Variants in CTNNAL1 observed in about 807,000 individuals in gnomAD.
CTNNAL1 encodes alpha-catulin.
In CTNNAL1, 69 loss-of-function variants were observed where a neutral mutation model predicts 93.6. That is an observed-to-expected ratio of 0.74 (90% CI 0.61 to 0.90). CTNNAL1 has a LOEUF of 0.90. Among genes scored for constraint, CTNNAL1 ranks in the 40% least tolerant of loss-of-function variants. The pLI, the probability that CTNNAL1 is intolerant of heterozygous loss-of-function variation, is 0.00. For missense variants in CTNNAL1, 836 were observed against 862.0 expected, an observed-to-expected ratio of 0.97 and a Z score of 0.38; for synonymous variants, 286 against 305.4, an observed-to-expected ratio of 0.94 and a Z score of 0.66.
At chr9:108,991,198 G>A (rs1220888258) in intron 3 of CTNNAL1, among the ~76,000 whole-genome samples, 1 of 152,224 alleles carries the variant, frequency 6.6e-6, no homozygotes, top group African/African-American at 2.4e-5. Flanking sequence ...AGAGAACTGG[G>A]AAGGGGTGAG....
At chr9:108,955,135 T>TTG (rs1830660530) in intron 12 of CTNNAL1, among the ~76,000 whole-genome samples, 1 of 151,980 alleles carries the variant, frequency 6.6e-6, no homozygotes, top group African/African-American at 2.4e-5. Flanking sequence ...GCTAATTTTT[T>TTG]TTGTTGTTGT....
chr9:108,943,193 C>T (rs1830296078), intron 17 of CTNNAL1, 149 bp from the exon 18 acceptor site: 6 of 724,114 alleles, frequency 8.3e-6, no homozygotes, highest in Admixed American at 6.2e-5. Flanking sequence ...TGAGCTGACT[C>T]AAAGCCCCAG....
At chr9:108,959,141 TGAG>T (rs1830760280) in intron 11 of CTNNAL1, among the ~76,000 whole-genome samples, 1 of 149,694 alleles carries the variant, frequency 6.7e-6, no homozygotes, top group African/African-American at 2.5e-5. Flanking sequence ...AGGCAGATTA[TGAG>T]GTCAGGAGAT....
chr9:108,966,456 C>T (rs1251816214), intron 10 of CTNNAL1, among the ~76,000 whole-genome samples: 9 of 152,174 alleles, frequency 5.9e-5, no homozygotes, highest in Non-Finnish European at 1.3e-4. Context: ...GAATGTGGGT[C>T]ACCACTTCCA....
At chr9:108,985,778 C>T (rs1261263418) in intron 4 of CTNNAL1, among the ~76,000 whole-genome samples, 4 of 152,150 alleles carry the variant, frequency 2.6e-5, no homozygotes, top group South Asian at 2.1e-4. Context: ...GTGGGTCTAG[C>T]TGACAATGCA....
chr9:108,975,902 C>T (rs1266904642), intron 8 of CTNNAL1, among the ~76,000 whole-genome samples: 2 of 152,164 alleles, frequency 1.3e-5, no homozygotes, highest in African/African-American at 4.8e-5. Flanking sequence ...ATAGGACTTT[C>T]AATAACCTGA....
intron 10 of CTNNAL1, among the ~76,000 whole-genome samples, chr9:108,968,624 A>G (rs773097538): frequency 5.3e-5 from 8 of 152,220 alleles, no homozygotes; most frequent in Non-Finnish European, 1.0e-4. Flanking sequence ...GTTGTAATAA[A>G]GTGTTCAGCA....
chr9:108,999,494 A>G (rs1451797656), intron 1 of CTNNAL1, among the ~76,000 whole-genome samples: 2 of 152,216 alleles, frequency 1.3e-5, no homozygotes, highest in Admixed American at 1.3e-4. Context: ...CATGCAGTTT[A>G]TCTGGGGCAT....
intron 8 of CTNNAL1, 133 bp from the exon 9 acceptor site, chr9:108,972,966 C>G (rs1186077542): frequency 8.9e-7 from 1 of 1,127,312 alleles, no homozygotes; most frequent in African/African-American, 1.6e-5. Flanking sequence ...TAAAGAGAAG[C>G]CGCAAAGCAG....
chr9:108,950,853 C>G, intron 14 of CTNNAL1: 1 of 362,868 alleles, frequency 2.8e-6, no homozygotes, highest in East Asian at 4.3e-5. Flanking sequence ...CTTTGTAATT[C>G]TAGGGATCAT....
intron 1 of CTNNAL1, among the ~76,000 whole-genome samples, chr9:109,006,056 T>C (rs1011492221): frequency 1.3e-5 from 2 of 152,234 alleles, no homozygotes; most frequent in African/African-American, 2.4e-5. Flanking sequence ...AAGTTATACA[T>C]GTTTATTGTT....
chr9:109,004,640 G>A (rs547776557), intron 1 of CTNNAL1, among the ~76,000 whole-genome samples: 2 of 152,212 alleles, frequency 1.3e-5, no homozygotes, highest in South Asian at 4.2e-4. Context: ...ACAAAAATTA[G>A]CCGGGCATGG....
chr9:108,971,863 A>C (rs1442911439), intron 9 of CTNNAL1, among the ~76,000 whole-genome samples: 1 of 152,224 alleles, frequency 6.6e-6, no homozygotes, highest in East Asian at 1.9e-4. Flanking sequence ...TATCAGGTGA[A>C]GCATCAGTAA....
chr9:108,992,074 T>C, intron 3 of CTNNAL1: 1 of 768,932 alleles, frequency 1.3e-6, no homozygotes, highest in Non-Finnish European at 2.4e-6. Flanking sequence ...GTCTCTGATT[T>C]GGGAGGGAAA....
At chr9:109,012,906 A>G (rs968232001) in intron 1 of CTNNAL1, among the ~76,000 whole-genome samples, 2 of 152,258 alleles carry the variant, frequency 1.3e-5, no homozygotes, top group Admixed American at 1.3e-4. Flanking sequence ...GAGGGCCCTA[A>G]GTACCAGCGA....
chr9:108,942,739 A>T lies in CTNNAL1; in HGVS notation c.*30T>A. ...TTAAAAATGTCAGCTTCATCACATG[A>T]TGTTCCAGAGATCTGACCCCAAAAG... is the stretch of plus-strand genomic sequence containing the variant. On this transcript the variant is annotated 3_prime_UTR_variant, in exon 19 of 19. Transcript: ENST00000325551. 7.6e-7 allele frequency: 1 copy of T among 1,320,792 alleles called. No homozygotes were observed. The highest frequency in any genetic ancestry group is 1.1e-6 in the Non-Finnish European group (1 of 923,356). 81.8% of individuals were successfully genotyped at this position (1,320,792 alleles called of 1,614,324 possible).
rs1329519333 is a variant in CTNNAL1, at chr9:108,952,319, G to A, written c.1725C>T (p.Leu575=). 1 of 1,614,178 alleles carries A rather than the reference G, an allele frequency of 6.2e-7. No homozygotes were observed. Among genetic ancestry groups the A allele is most frequent in the South Asian group, 1.1e-5 (1 of 91,086 alleles). ...CAATTTCGCAGTCAGCGTCAGAGGT[G>A]AGCAAACCCAGCTTAAGTCCAAGCT... ...IAKLGLKLGL[L]TSDADCEIEK... The change falls in exon 14 of 19, where the codon CTC becomes CTT. Residue 575 remains leucine, a synonymous_variant. Coordinates refer to ENST00000325551, the MANE Select transcript of CTNNAL1 (RefSeq NM_003798.4).
Position 108,979,391 on chromosome 9 carries a change from C to T in CTNNAL1, c.991G>A (p.Asp331Asn). The T allele has an allele frequency of 6.2e-7, 1 of 1,614,080 alleles. No individual in the cohort carries two copies. The highest frequency in any genetic ancestry group is 8.5e-7 in the Non-Finnish European group (1 of 1,180,000). The stretch of plus-strand genomic sequence containing the variant: ...CTGGTGTAGGCAGAATCAGTAAAGT[C>T]CTCCATACGCTCCAAGATGACTTCC... ...TLEVILERMEDFTDSAYTSHE... is the reference protein window; with the variant it reads ...TLEVILERMENFTDSAYTSHE... Residue 331 changes from aspartate (D) to asparagine (N), a missense_variant, in exon 7 of 19, where the codon GAC (aspartate) becomes AAC (asparagine). Physicochemically the swap from Asp to Asn is conservative, Grantham distance 23. Transcript: ENST00000325551.
intron 12 of CTNNAL1, among the ~76,000 whole-genome samples, chr9:108,953,277 C>T (rs1266014915): frequency 6.6e-6 from 1 of 152,138 alleles, no homozygotes; most frequent in Non-Finnish European, 1.5e-5. Flanking sequence ...CCACCAATAG[C>T]AACATTTCTT....
Sources: gnomAD v4.1 joint callset for allele counts (sites outside exome capture counted in the v4.1 genomes callset) on GRCh38, gnomAD v4.1.1 for gene constraint, MANE v1.5 for transcripts, NCBI Gene and HGNC (gene_info 2026-07-23, HGNC 2026-07-21) for gene names.